TBC1D14: variants seen among roughly 807,000 people sequenced by gnomAD.
The protein encoded by TBC1D14 is TBC1 domain family, member 14.
In TBC1D14, 26 loss-of-function variants were observed where a neutral mutation model predicts 79.0. That is an observed-to-expected ratio of 0.33 (90% CI 0.24 to 0.46). TBC1D14 has a LOEUF of 0.46. Ranked by LOEUF, TBC1D14 falls within the 20% of genes least tolerant of loss-of-function variation. The pLI is 1.00. For synonymous variants in TBC1D14, 394 were observed against 349.9 expected (o/e 1.13, Z -1.40); for missense variants, 769 against 887.6 (o/e 0.87, Z 1.70).
chr4:6,970,409 C>T (rs896353019), intron 3 of TBC1D14, among the ~76,000 whole-genome samples: 20 of 152,240 alleles, frequency 1.3e-4, no homozygotes, highest in Non-Finnish European at 2.6e-4. Flanking sequence ...AATACACACA[C>T]GCACTCAGAA....
chr4:6,949,609 C>T (rs1040680933), intron 2 of TBC1D14, among the ~76,000 whole-genome samples: 4 of 148,710 alleles, frequency 2.7e-5, no homozygotes, highest in East Asian at 2.0e-4. Context: ...CTTGAACCCG[C>T]GAGGCAGAGT....
At chr4:7,010,064 A>G in intron 10 of TBC1D14, 116 bp downstream of exon 10, 2 of 1,175,014 alleles carry the variant, frequency 1.7e-6, no homozygotes, top group Non-Finnish European at 2.5e-6. Flanking sequence ...GCCGAGGAGT[A>G]TGAAAAGTCT....
At position 7,009,126 on chromosome 4, in the gene TBC1D14, C is replaced by T. The variant is rs551764344; in HGVS notation, c.1447-751C>T. The stretch of plus-strand genomic sequence containing the variant: ...CTGTGGAGTGACTTCTTATCTCTCA[C>T]CATGTGTGATTTTTATTCCTTGTGT... On this transcript the variant is annotated intron_variant, in intron 9 of 13. Transcript: ENST00000409757. 2.0e-5 allele frequency among the ~76,000 whole-genome samples: 3 copies of T among 152,320 alleles called. No homozygotes were observed. The East Asian group carries it at 5.8e-4, about 29-fold the overall frequency.
intron 3 of TBC1D14, among the ~76,000 whole-genome samples, chr4:6,978,321 T>C (rs1717012260): frequency 1.3e-5 from 2 of 149,304 alleles, no homozygotes; most frequent in African/African-American, 2.5e-5. Flanking sequence ...GGGGAAAAGA[T>C]TGAGAAATCG....
intron 2 of TBC1D14, among the ~76,000 whole-genome samples, chr4:6,931,268 T>G (rs1245050317): frequency 6.6e-6 from 1 of 152,222 alleles, no homozygotes; most frequent in Non-Finnish European, 1.5e-5. Context: ...GTTGTGTGTT[T>G]TTGTACCAGG....
intron 1 of TBC1D14, among the ~76,000 whole-genome samples, chr4:6,920,028 C>A (rs1723724153): frequency 6.6e-6 from 1 of 152,000 alleles, no homozygotes; most frequent in African/African-American, 2.4e-5. Flanking sequence ...GATCTCCCTG[C>A]CTCAGCCTTC....
chr4:6,968,618 G>A (rs1224333009), intron 3 of TBC1D14, among the ~76,000 whole-genome samples: 1 of 151,908 alleles, frequency 6.6e-6, no homozygotes, highest in Admixed American at 6.6e-5. Context: ...CAGGCAGGTA[G>A]TGGGGACAGC....
intron 2 of TBC1D14, among the ~76,000 whole-genome samples, chr4:6,963,573 G>A (rs1715440540): frequency 6.6e-6 from 1 of 152,186 alleles, no homozygotes; most frequent in African/African-American, 2.4e-5. Flanking sequence ...CCCGGGCCCG[G>A]CCACAGCTAC....
chr4:6,966,867 T>A (rs560695479), intron 2 of TBC1D14, among the ~76,000 whole-genome samples: 41 of 152,342 alleles, frequency 2.7e-4, no homozygotes, highest in African/African-American at 8.2e-4. Context: ...TGGAGTGCAG[T>A]GGCACGATCT....
chr4:7,014,045 G>A (rs1002086082), intron 11 of TBC1D14, among the ~76,000 whole-genome samples: 11 of 152,152 alleles, frequency 7.2e-5, no homozygotes, highest in African/African-American at 2.7e-4. Flanking sequence ...CACCGCACCC[G>A]GCCTCCAGAT....
intron 3 of TBC1D14, among the ~76,000 whole-genome samples, chr4:6,988,311 G>A (rs1718094142): frequency 1.3e-5 from 2 of 152,244 alleles, no homozygotes; most frequent in Admixed American, 6.5e-5. Context: ...TATAGTGACA[G>A]TCATACTCCT....
At chr4:6,952,416 C>T (rs1340281371) in intron 2 of TBC1D14, among the ~76,000 whole-genome samples, 2 of 152,368 alleles carry the variant, frequency 1.3e-5, no homozygotes, top group African/African-American at 4.8e-5. Flanking sequence ...TGCCCTGGGG[C>T]AGGGATTTTG....
chr4:7,007,815 T>A (rs1345239861), intron 9 of TBC1D14, among the ~76,000 whole-genome samples: 1 of 152,206 alleles, frequency 6.6e-6, no homozygotes, highest in African/African-American at 2.4e-5. Flanking sequence ...TTGGAGCTGC[T>A]CCTGTTTCTT....
chr4:7,013,631 T>C (rs1290405200), intron 11 of TBC1D14, among the ~76,000 whole-genome samples: 1 of 152,226 alleles, frequency 6.6e-6, no homozygotes, highest in East Asian at 1.9e-4. Flanking sequence ...CTCGTTGCAT[T>C]CAAAGGTGTG....
intron 2 of TBC1D14, among the ~76,000 whole-genome samples, chr4:6,935,908 T>G (rs943036528): frequency 6.6e-6 from 1 of 152,166 alleles, no homozygotes; most frequent in African/African-American, 2.4e-5. Context: ...CCTCCCAAAG[T>G]GCTGGGATTA....
At position 7,030,608 on chromosome 4, in the gene TBC1D14, G is replaced by A; in HGVS notation, c.*216G>A. The stretch of plus-strand genomic sequence containing the variant: ...CAGCTCAGTGGAAGGATGAGCTGCT[G>A]CGGACCACAGCCAGCCACTGCATCT... On this transcript the variant is annotated 3_prime_UTR_variant, in exon 14 of 14. Transcript: ENST00000409757. 2.1e-6 allele frequency: 1 copy of A among 472,634 alleles called. No homozygotes were observed. Among genetic ancestry groups the A allele is most frequent in the Non-Finnish European group, 3.9e-6 (1 of 255,940 alleles). 29.3% of individuals were successfully genotyped at this position (472,634 alleles called of 1,614,324 possible). A position where few individuals can be genotyped will look rare whatever the true frequency, so the allele number is the denominator to read the frequency against.
chr4:6,915,717 T>C (rs756707571), intron 1 of TBC1D14, among the ~76,000 whole-genome samples: 6 of 152,082 alleles, frequency 3.9e-5, no homozygotes, highest in Admixed American at 2.0e-4. Context: ...GTGGTGCTGT[T>C]AGGTGCTGCA....
At chr4:6,944,986 C>A (rs1244139511) in intron 2 of TBC1D14, among the ~76,000 whole-genome samples, 7 of 152,222 alleles carry the variant, frequency 4.6e-5, no homozygotes, top group Non-Finnish European at 1.0e-4. Context: ...TCCCCAATCC[C>A]CAGCTAACCC....
At chr4:6,916,681 A>G (rs976175052) in intron 1 of TBC1D14, among the ~76,000 whole-genome samples, 1 of 152,212 alleles carries the variant, frequency 6.6e-6, no homozygotes, top group Admixed American at 6.5e-5. Flanking sequence ...TGCTTCCTGC[A>G]GAACTGAGTC....
Sources: allele counts gnomAD v4.1 joint callset (sites outside exome capture counted in the v4.1 genomes callset), GRCh38; gene constraint gnomAD v4.1.1; transcripts MANE v1.5; gene names NCBI Gene and HGNC (gene_info 2026-07-23, HGNC 2026-07-21).